Variants in PTBP3 observed in about 807,000 individuals in gnomAD.
The protein encoded by PTBP3 is polypyrimidine tract-binding protein 3.
Under a neutral mutation model 58.7 loss-of-function variants are expected in PTBP3, and 20 were observed. The observed-to-expected ratio is 0.34, with a 90% CI of 0.24 to 0.50. The LOEUF (loss-of-function observed/expected upper bound fraction) is 0.50, where lower values mean the gene tolerates loss of function less well. PTBP3 is among the 20% of genes least tolerant of loss of function. The pLI is 0.98. For missense variants in PTBP3, 509 were observed against 637.2 expected (o/e 0.80, Z 2.17); for synonymous variants, 185 against 219.8 (o/e 0.84, Z 1.40).
intron 1 of PTBP3, chr9:112,332,909 A>G: frequency 2.5e-6 from 4 of 1,575,072 alleles, no homozygotes; most frequent in Non-Finnish European, 3.5e-6. Flanking sequence ...AAGTCGGGAG[A>G]CCTCGGCCAA....
intron 1 of PTBP3, among the ~76,000 whole-genome samples, chr9:112,330,025 T>C (rs1302448388): frequency 6.6e-6 from 1 of 152,048 alleles, no homozygotes; most frequent in Non-Finnish European, 1.5e-5. Context: ...TTTTTATTTT[T>C]ATTTTTAATA....
intron 10 of PTBP3, 89 bp from the exon 11 acceptor site, chr9:112,228,561 T>TTATACTATA (rs11281671): frequency 0.48 from 419,911 of 874,924 alleles, 107,918 homozygotes; most frequent in African/African-American, 0.78. Flanking sequence ...AAGGCATTTC[T>TTATACTATA]TACTCTCCCT....
At chr9:112,312,550 C>T (rs900985630) in intron 1 of PTBP3, among the ~76,000 whole-genome samples, 4 of 123,238 alleles carry the variant, frequency 3.2e-5, no homozygotes, top group African/African-American at 1.3e-4. Flanking sequence ...TATAGAAAGA[C>T]TATATATGGA....
Position 112,255,917 on chromosome 9 carries a change from T to C in PTBP3, c.517-3129A>G, listed in dbSNP as rs116621900. 1.4e-3 allele frequency among the ~76,000 whole-genome samples: 217 copies of C among 152,238 alleles called. 1 individual carries two copies. Among genetic ancestry groups the C allele is most frequent in the African/African-American group, 3.9e-3 (160 of 41,556 alleles). ...ATTCTCAGCCTCCCCCAAATCCCTATAGAATTATTTTTCTTGAGTTGTATC... is the reference window on the plus strand; with the variant it reads ...ATTCTCAGCCTCCCCCAAATCCCTACAGAATTATTTTTCTTGAGTTGTATC... On this transcript the variant is annotated intron_variant, in intron 5 of 13. Coordinates refer to ENST00000374257, the MANE Select transcript of PTBP3 (RefSeq NM_001163788.4).
intron 3 of PTBP3, chr9:112,272,465 C>A (rs1333010349): frequency 6.6e-6 from 1 of 152,186 alleles, no homozygotes; most frequent in Non-Finnish European, 1.5e-5. Context: ...AACGCAGGAA[C>A]CACTCCTGAT....
intron 10 of PTBP3, among the ~76,000 whole-genome samples, chr9:112,229,769 C>A (rs1002999024): frequency 5.9e-5 from 9 of 152,148 alleles, no homozygotes; most frequent in Non-Finnish European, 1.3e-4. Context: ...TGGGGTCTCA[C>A]TATCTGGCCC....
At chr9:112,308,364 A>G (rs1419137215) in intron 1 of PTBP3, among the ~76,000 whole-genome samples, 4 of 151,624 alleles carry the variant, frequency 2.6e-5, no homozygotes, top group Non-Finnish European at 4.4e-5. Context: ...AAAAAAAAAA[A>G]AAAAAAAAAA....
At chr9:112,246,250 AGAG>A (rs1835872145) in intron 7 of PTBP3, among the ~76,000 whole-genome samples, 1 of 151,880 alleles carries the variant, frequency 6.6e-6, no homozygotes, top group African/African-American at 2.4e-5. Context: ...CCCAAAGTGC[AGAG>A]ATTACAGATG....
the PTBP3 span, among the ~76,000 whole-genome samples, chr9:112,356,808 AC>A: frequency 2.0e-5 from 3 of 151,142 alleles, no homozygotes; most frequent in Non-Finnish European, 4.4e-5. Flanking sequence ...ACACACACAC[AC>A]ACACACACAC....
intron 1 of PTBP3, among the ~76,000 whole-genome samples, chr9:112,312,488 G>GTTTT (rs11384712): frequency 4.0e-5 from 3 of 75,926 alleles, no homozygotes; most frequent in African/African-American, 1.3e-4. Flanking sequence ...TTTTTTTTTT[G>GTTTT]TTTTTTTTTT....
At chr9:112,336,021 C>A (rs560328182), upstream of PTBP3, among the ~76,000 whole-genome samples, 899 of 152,104 alleles carry the variant, frequency 5.9e-3, 9 homozygotes, top group African/African-American at 0.021. Context: ...TTACAGGCAC[C>A]TGCCACCCTG....
intron 7 of PTBP3, among the ~76,000 whole-genome samples, chr9:112,246,005 T>C (rs1042043291): frequency 6.6e-6 from 1 of 151,692 alleles, no homozygotes; most frequent in African/African-American, 2.4e-5. Flanking sequence ...TTTTTTGAGA[T>C]GGAGTCTTGC....
chr9:112,234,709 A>T (rs959381616), intron 8 of PTBP3, 111 bp downstream of exon 8: 35 of 1,017,950 alleles, frequency 3.4e-5, no homozygotes, highest in Non-Finnish European at 4.7e-5. Context: ...TGATATGCAT[A>T]ATGCTTTATG....
chr9:112,349,034 G>T, the PTBP3 span, among the ~76,000 whole-genome samples: 1 of 152,136 alleles, frequency 6.6e-6, no homozygotes, highest in African/African-American at 2.4e-5. Flanking sequence ...TAAAACCCTG[G>T]GAATTTCCTG....
rs896280860 is a variant in PTBP3, at chr9:112,218,686, T to C, written c.*5165A>G. On this transcript the variant is annotated 3_prime_UTR_variant, in exon 14 of 14. Coordinates refer to ENST00000374257, the MANE Select transcript of PTBP3 (RefSeq NM_001163788.4). ...CTTCAACAATCACAGACTCCTTTTT[T>C]TCCAATGCCACAGACTGTTACAAAT... 2.0e-5 allele frequency: 3 copies of C among 152,648 alleles called. No homozygotes were observed. Among genetic ancestry groups the C allele is most frequent in the Non-Finnish European group, 4.4e-5 (3 of 68,028 alleles). 9.5% of individuals were successfully genotyped at this position (152,648 alleles called of 1,614,324 possible). A position where few individuals can be genotyped will look rare whatever the true frequency, so the allele number is the denominator to read the frequency against.
chr9:112,282,146 C>T lies in PTBP3; in HGVS notation c.35-6133G>A, dbSNP rs571349758. 2.0e-5 allele frequency among the ~76,000 whole-genome samples: 3 copies of T among 152,286 alleles called. No individual in the cohort carries two copies. The East Asian group carries it at 5.8e-4, about 29-fold the overall frequency. On this transcript the variant is annotated intron_variant, in intron 2 of 13. Coordinates refer to ENST00000374257, the MANE Select transcript of PTBP3 (RefSeq NM_001163788.4). Reference sequence around the variant, plus strand: ...TCCCAAAGGTCCCAGCTCTAAATACCATCACATAGCGAGTTAGGGCTTCAA... The same window carrying T: ...TCCCAAAGGTCCCAGCTCTAAATACTATCACATAGCGAGTTAGGGCTTCAA...
the PTBP3 span, chr9:112,379,832 T>G: frequency 4.0e-6 from 2 of 500,126 alleles, no homozygotes; most frequent in Non-Finnish European, 7.1e-6. Context: ...CGGCTGACGC[T>G]GCCCAGACGC....
intron 2 of PTBP3, among the ~76,000 whole-genome samples, chr9:112,291,867 G>A (rs1170064043): frequency 6.6e-6 from 1 of 152,070 alleles, no homozygotes; most frequent in Non-Finnish European, 1.5e-5. Flanking sequence ...TGAACAAATG[G>A]GGCTAATATC....
chr9:112,236,421 G>C (rs1319175756), intron 7 of PTBP3, among the ~76,000 whole-genome samples: 1 of 152,082 alleles, frequency 6.6e-6, no homozygotes, highest in Non-Finnish European at 1.5e-5. Flanking sequence ...ACACAAGCAA[G>C]CTCAAGATCA....
Sources: gnomAD v4.1 joint callset for allele counts (sites outside exome capture counted in the v4.1 genomes callset) on GRCh38, gnomAD v4.1.1 for gene constraint, MANE v1.5 for transcripts, NCBI Gene and HGNC (gene_info 2026-07-23, HGNC 2026-07-21) for gene names.